DPP10: variants seen among roughly 807,000 people sequenced by gnomAD.
The protein encoded by DPP10 is inactive dipeptidyl peptidase 10.
Under a neutral mutation model 120.9 loss-of-function variants are expected in DPP10, and 33 were observed. The ratio of observed to expected loss-of-function variants is 0.27; its 90% CI spans 0.21 to 0.37. The LOEUF is 0.37. DPP10 is among the 10% of genes least tolerant of loss of function. The pLI is 1.00. For synonymous variants in DPP10, 337 were observed against 326.1 expected, an observed-to-expected ratio of 1.03 and a Z score of -0.36; for missense variants, 816 against 942.8, an observed-to-expected ratio of 0.87 and a Z score of 1.76.
At chr2:115,461,110 A>T (rs1247354351) in intron 3 of DPP10, among the ~76,000 whole-genome samples, 1 of 152,170 alleles carries the variant, frequency 6.6e-6, no homozygotes, top group African/African-American at 2.4e-5. Flanking sequence ...TGTGGCTTCT[A>T]TGTTGAGAAT....
intron 1 of DPP10, among the ~76,000 whole-genome samples, chr2:114,829,653 A>C (rs762004447): frequency 1.3e-5 from 2 of 151,736 alleles, no homozygotes; most frequent in Non-Finnish European, 2.9e-5. Flanking sequence ...CTCGGATTAC[A>C]GGCGTGAGCC....
chr2:114,547,088 C>T (rs978112898), intron 1 of DPP10, among the ~76,000 whole-genome samples: 12 of 152,350 alleles, frequency 7.9e-5, no homozygotes, highest in South Asian at 4.1e-4. Flanking sequence ...CATGTGTGTG[C>T]GGTAGCACAA....
At chr2:114,934,656 G>T (rs544498354) in intron 1 of DPP10, among the ~76,000 whole-genome samples, 1 of 151,610 alleles carries the variant, frequency 6.6e-6, no homozygotes, top group Non-Finnish European at 1.5e-5. Flanking sequence ...GTATTAATTC[G>T]GTTTAGACTA....
intron 21 of DPP10, among the ~76,000 whole-genome samples, chr2:115,820,628 T>C (rs912762292): frequency 4.6e-5 from 7 of 152,138 alleles, no homozygotes; most frequent in Non-Finnish European, 8.8e-5. Context: ...GCATCATTCT[T>C]GTGCCTTTGC....
chr2:114,898,938 AAATC>A (rs1230338962), intron 1 of DPP10, among the ~76,000 whole-genome samples: 1 of 152,174 alleles, frequency 6.6e-6, no homozygotes, highest in African/African-American at 2.4e-5. Flanking sequence ...AGTCTTTCCT[AAATC>A]AATCCTCTGG....
chr2:114,654,859 C>G (rs1331958670), intron 1 of DPP10, among the ~76,000 whole-genome samples: 2 of 152,100 alleles, frequency 1.3e-5, no homozygotes, highest in African/African-American at 4.8e-5. Context: ...GAACAAGTAC[C>G]TGAGTTAAAA....
chr2:115,281,110 A>T (rs1010799667), intron 1 of DPP10, among the ~76,000 whole-genome samples: 3 of 152,154 alleles, frequency 2.0e-5, no homozygotes, highest in Non-Finnish European at 4.4e-5. Context: ...GATTTCTATT[A>T]CATCTCCAAA....
intron 1 of DPP10, among the ~76,000 whole-genome samples, chr2:115,222,163 A>C (rs2057204666): frequency 6.6e-6 from 1 of 152,128 alleles, no homozygotes; most frequent in African/African-American, 2.4e-5. Flanking sequence ...ATATCTTTAG[A>C]GTAAATGAGT....
At chr2:114,506,082 A>G (rs760675633) in intron 1 of DPP10, among the ~76,000 whole-genome samples, 43 of 152,192 alleles carry the variant, frequency 2.8e-4, no homozygotes, top group Admixed American at 5.2e-4. Context: ...AAGGGCCCCA[A>G]CCTCAAGCCT....
chr2:114,956,457 T>G (rs11694886), intron 1 of DPP10, among the ~76,000 whole-genome samples: 38,856 of 151,770 alleles, frequency 0.26, 5,031 homozygotes, highest in East Asian at 0.35. Flanking sequence ...AAGAGACAAA[T>G]AAATGGAAAG....
chr2:115,028,304 G>A (rs972145886), intron 1 of DPP10, among the ~76,000 whole-genome samples: 7 of 151,900 alleles, frequency 4.6e-5, no homozygotes, highest in Non-Finnish European at 8.8e-5. Context: ...TTTCCATGTG[G>A]TTCAAGAATT....
intron 5 of DPP10, among the ~76,000 whole-genome samples, chr2:115,531,506 A>G (rs1034133512): frequency 6.6e-6 from 1 of 152,092 alleles, no homozygotes; most frequent in East Asian, 1.9e-4. Flanking sequence ...TCCTGGATTT[A>G]ACGTCCAACT....
chr2:115,790,272 G>A (rs1472535620), intron 17 of DPP10, among the ~76,000 whole-genome samples: 5 of 151,334 alleles, frequency 3.3e-5, no homozygotes, highest in Non-Finnish European at 1.5e-5. Flanking sequence ...GTAGAGACGG[G>A]GTTTCACCTT....
intron 1 of DPP10, among the ~76,000 whole-genome samples, chr2:115,166,659 C>T (rs1289405155): frequency 6.8e-6 from 1 of 146,828 alleles, no homozygotes; most frequent in Non-Finnish European, 1.5e-5. Context: ...ATCTATATAT[C>T]TGTTTGATTA....
intron 7 of DPP10, among the ~76,000 whole-genome samples, chr2:115,715,195 T>G (rs1344464459): frequency 1.3e-5 from 2 of 150,948 alleles, no homozygotes; most frequent in African/African-American, 2.4e-5. Flanking sequence ...CAAAATTAGC[T>G]GGGCGTGGTG....
Position 115,361,035 on chromosome 2 carries a change from C to T in DPP10, c.271+17123C>T, listed in dbSNP as rs550988791. On this transcript the variant is annotated intron_variant, in intron 3 of 25. Coordinates refer to ENST00000410059, the MANE Select transcript of DPP10 (RefSeq NM_020868.6). Reference sequence around the variant, plus strand: ...CTTGCCCAGCTAGTTTTGTCCCAAGCCTTTTGTTCTCCGATTGCTTGTCTG... The same window carrying T: ...CTTGCCCAGCTAGTTTTGTCCCAAGTCTTTTGTTCTCCGATTGCTTGTCTG... Among the ~76,000 whole-genome samples the T allele has an allele frequency of 9.2e-5, 14 of 152,246 alleles. No individual in the cohort carries two copies. The East Asian group carries it at 1.7e-3, about 19-fold the overall frequency.
chr2:115,274,992 A>C (rs533156406), intron 1 of DPP10, among the ~76,000 whole-genome samples: 1 of 152,328 alleles, frequency 6.6e-6, no homozygotes, highest in Non-Finnish European at 1.5e-5. Flanking sequence ...CTTTTATATT[A>C]GAAATAGTCC....
intron 3 of DPP10, among the ~76,000 whole-genome samples, chr2:115,376,759 T>A (rs1424119705): frequency 1.3e-5 from 2 of 148,220 alleles, no homozygotes; most frequent in East Asian, 2.1e-4. Context: ...TGTCCATGTG[T>A]TCTCATTGTT....
intron 1 of DPP10, among the ~76,000 whole-genome samples, chr2:114,621,508 T>C (rs1381149587): frequency 6.6e-6 from 1 of 152,098 alleles, no homozygotes; most frequent in Non-Finnish European, 1.5e-5. Flanking sequence ...ATCCAGGTCA[T>C]TCCCCAAAGT....
Sources: gnomAD v4.1 joint callset for allele counts (sites outside exome capture counted in the v4.1 genomes callset) on GRCh38, gnomAD v4.1.1 for gene constraint, MANE v1.5 for transcripts, NCBI Gene and HGNC (gene_info 2026-07-23, HGNC 2026-07-21) for gene names.